The following HNMT variants were observed in gnomAD, a reference collection of about 807,000 sequenced individuals.
The protein encoded by HNMT is histamine N-methyltransferase.
Under a neutral mutation model 32.1 loss-of-function variants are expected in HNMT, and 30 were observed. The ratio of observed to expected loss-of-function variants is 0.93; its 90% confidence interval spans 0.70 to 1.27. The LOEUF (loss-of-function observed/expected upper bound fraction) is 1.27, where lower values mean the gene tolerates loss of function less well. Among genes scored for constraint, HNMT ranks in the 50% most tolerant of loss-of-function variants. The pLI, the probability that HNMT is intolerant of heterozygous loss-of-function variation, is 0.00. For missense variants in HNMT, 327 were observed against 346.0 expected (o/e 0.95, Z 0.43); for synonymous variants, 125 against 119.0 (o/e 1.05, Z -0.33).
chr2:137,999,781 C>A (rs1370249478), intron 2 of HNMT, among the ~76,000 whole-genome samples: 1 of 152,002 alleles, frequency 6.6e-6, no homozygotes, highest in Non-Finnish European at 1.5e-5. Context: ...TAGATGTACT[C>A]AAGATAACAA....
At chr2:137,980,790 A>G (rs1464614661) in intron 2 of HNMT, among the ~76,000 whole-genome samples, 1 of 152,116 alleles carries the variant, frequency 6.6e-6, no homozygotes, top group Non-Finnish European at 1.5e-5. Context: ...AATATTTTAT[A>G]CTCATATTTT....
At chr2:138,001,916 G>A (rs1267073257) in intron 3 of HNMT, 148 bp from the exon 4 acceptor site, 1 of 490,224 alleles carries the variant, frequency 2.0e-6, no homozygotes, top group Non-Finnish European at 3.4e-6. Context: ...AAAGCAGTAT[G>A]AACTCTCTGG....
At chr2:137,994,166 A>G (rs1484805459) in intron 2 of HNMT, among the ~76,000 whole-genome samples, 1 of 152,192 alleles carries the variant, frequency 6.6e-6, no homozygotes, top group Non-Finnish European at 1.5e-5. Flanking sequence ...ATTCACACAT[A>G]ATGATACTAA....
intron 2 of HNMT, among the ~76,000 whole-genome samples, chr2:137,976,265 C>CA (rs1358916029): frequency 1.7e-3 from 23 of 13,494 alleles, no homozygotes; most frequent in African/African-American, 2.1e-3. Context: ...GACTCCATCT[C>CA]AAAAAAACAA....
intron 2 of HNMT, among the ~76,000 whole-genome samples, chr2:137,970,935 AAGAAAG>A (rs1344897650): frequency 1.3e-4 from 12 of 90,040 alleles, no homozygotes; most frequent in South Asian, 3.3e-4. Flanking sequence ...AAAAAAAAAA[AAGAAAG>A]AAAGAAAGAA....
intron 2 of HNMT, among the ~76,000 whole-genome samples, chr2:137,985,374 G>A (rs1199855078): frequency 1.3e-5 from 2 of 152,188 alleles, no homozygotes; most frequent in Admixed American, 1.3e-4. Flanking sequence ...GCTAGCTAAA[G>A]CGTAGAGGGT....
At chr2:137,967,192 C>G (rs1679985308) in intron 1 of HNMT, 1 of 744,504 alleles carries the variant, frequency 1.3e-6, no homozygotes, top group Non-Finnish European at 2.5e-6. Context: ...GGGAGGATTA[C>G]TTGAGCCTAG....
intron 2 of HNMT, among the ~76,000 whole-genome samples, chr2:137,984,586 A>T (rs78040513): frequency 0.021 from 3,213 of 152,296 alleles, 111 homozygotes; most frequent in African/African-American, 0.073. Flanking sequence ...AAAGAAAGAC[A>T]TTATAGCATG....
At chr2:137,978,015 C>T (rs1021213539) in intron 2 of HNMT, among the ~76,000 whole-genome samples, 1 of 152,022 alleles carries the variant, frequency 6.6e-6, no homozygotes, top group South Asian at 2.1e-4. Context: ...CAGCCTGCAT[C>T]CTTTCTGAGC....
intron 2 of HNMT, among the ~76,000 whole-genome samples, chr2:137,973,054 G>A (rs143430222): frequency 6.6e-6 from 1 of 152,306 alleles, no homozygotes; most frequent in African/African-American, 2.4e-5. Flanking sequence ...ACCTTGGGGA[G>A]AATGTGGGTG....
chr2:138,012,979 C>T (rs936830387), intron 5 of HNMT, among the ~76,000 whole-genome samples: 1 of 152,076 alleles, frequency 6.6e-6, no homozygotes. Flanking sequence ...ACTCTCTTCC[C>T]ATCGGTGAGG....
intron 2 of HNMT, among the ~76,000 whole-genome samples, chr2:137,980,211 T>C (rs959171348): frequency 5.3e-5 from 8 of 151,954 alleles, no homozygotes; most frequent in African/African-American, 1.9e-4. Flanking sequence ...AATTTTTAAA[T>C]ATTTTTTAGT....
rs894011376 is a variant in HNMT at position 137,977,984 on chromosome 2, T to C, written c.190+7767T>C. Among the ~76,000 whole-genome samples the C allele has an allele frequency of 3.3e-5, 5 of 152,260 alleles. 1 individual carries two copies. In the South Asian group the frequency reaches 8.3e-4, roughly 25 times the overall value. The stretch of plus-strand genomic sequence containing the variant: ...GGCCTTGCCAGTCCAGGAGGGCTGC[T>C]AGGACTGTGCTACAGTTCCTCAGCC... On this transcript the variant is annotated intron_variant, in intron 2 of 5. Coordinates refer to ENST00000280097, the MANE Select transcript of HNMT (RefSeq NM_006895.3).
chr2:137,994,946 T>C (rs981947640), intron 2 of HNMT, among the ~76,000 whole-genome samples: 4 of 152,052 alleles, frequency 2.6e-5, no homozygotes, highest in Non-Finnish European at 5.9e-5. Context: ...AAAGCAGAGA[T>C]CAAGAAGTTC....
intron 1 of HNMT, among the ~76,000 whole-genome samples, chr2:137,969,142 G>A (rs1406426126): frequency 6.6e-6 from 1 of 152,104 alleles, no homozygotes; most frequent in Non-Finnish European, 1.5e-5. Context: ...ATGACGACGG[G>A]CTTTCTCTGC....
intron 2 of HNMT, among the ~76,000 whole-genome samples, chr2:137,982,751 TA>T (rs1385679652): frequency 6.6e-6 from 1 of 152,222 alleles, no homozygotes; most frequent in East Asian, 1.9e-4. Flanking sequence ...TATTGCTTAA[TA>T]AAAAGTGTTT....
At chr2:137,992,110 C>A (rs1466029281) in intron 2 of HNMT, among the ~76,000 whole-genome samples, 2 of 152,168 alleles carry the variant, frequency 1.3e-5, no homozygotes, top group African/African-American at 2.4e-5. Context: ...CACTCGTGAA[C>A]CCACACCACC....
intron 1 of HNMT, among the ~76,000 whole-genome samples, chr2:137,966,466 T>A (rs1213127698): frequency 2.0e-5 from 3 of 152,218 alleles, no homozygotes; most frequent in African/African-American, 7.2e-5. Flanking sequence ...CCCTATCATG[T>A]CACTATATGT....
intron 2 of HNMT, among the ~76,000 whole-genome samples, chr2:137,996,210 A>C (rs1473095105): frequency 6.6e-6 from 1 of 152,232 alleles, no homozygotes; most frequent in Non-Finnish European, 1.5e-5. Context: ...GTATTCAAAT[A>C]GGAAGAGAGG....
Sources: allele counts gnomAD v4.1 joint callset (sites outside exome capture counted in the v4.1 genomes callset), GRCh38; gene constraint gnomAD v4.1.1; transcripts MANE v1.5; gene names NCBI Gene and HGNC (gene_info 2026-07-23, HGNC 2026-07-21).